Variants in ROCK1 observed in about 807,000 individuals in gnomAD.
ROCK1 encodes rho-associated protein kinase 1.
A neutral mutation model predicts 196.8 loss-of-function variants in ROCK1; 36 were observed. The observed-to-expected ratio is 0.18, with a 90% confidence interval of 0.14 to 0.24. The LOEUF is 0.24. ROCK1 is among the 10% of genes least tolerant of loss of function. The pLI, the probability that ROCK1 is intolerant of heterozygous loss-of-function variation, is 1.00. For synonymous variants in ROCK1, 443 were observed against 515.9 expected (o/e 0.86, Z 1.91); for missense variants, 920 against 1,562.0 (o/e 0.59, Z 6.93).
In ROCK1 at chr18:21,023,672, G is replaced by A. The variant is rs779976287; in HGVS notation, c.1220C>T (p.Ser407Phe). 2 of 1,567,696 alleles carry A rather than the reference G, an allele frequency of 1.3e-6. No individual in the cohort carries two copies. Among genetic ancestry groups the A allele is most frequent in the Admixed American group, 3.7e-5 (2 of 54,592 alleles). ...FTYYSNRRYL[S>F]SANPNDNRTS... ...TCTGTTATCATTAGGATTTGCTGAA[G>A]ATAAGTATCTGAGGGAAAGAAAAGT... is the stretch of plus-strand genomic sequence containing the variant. Residue 407 changes from serine to phenylalanine, a missense_variant, in exon 11 of 33, where the codon TCT becomes TTT. This residue lies in a region of ROCK1 where 520 missense variants were observed against 657.1 expected (regional missense o/e 0.79). Transcript: ENST00000399799.
intron 9 of ROCK1, among the ~76,000 whole-genome samples, chr18:21,037,755 G>T (rs1379002330): frequency 6.6e-6 from 1 of 152,030 alleles, no homozygotes; most frequent in East Asian, 1.9e-4. Flanking sequence ...CACTGATCTG[G>T]ACTCCCTAAT....
At chr18:21,093,268 G>A (rs1222132150) in intron 1 of ROCK1, among the ~76,000 whole-genome samples, 1 of 152,168 alleles carries the variant, frequency 6.6e-6, no homozygotes, top group African/African-American at 2.4e-5. Context: ...CAAAGAAGCC[G>A]ATCTGGAAAA....
chr18:21,101,406 C>A (rs1291020283), intron 1 of ROCK1, among the ~76,000 whole-genome samples: 1 of 152,116 alleles, frequency 6.6e-6, no homozygotes, highest in Non-Finnish European at 1.5e-5. Flanking sequence ...CATTATGCAC[C>A]TCCGTGTGAG....
chr18:20,971,081 A>T (rs1246957298), intron 22 of ROCK1, among the ~76,000 whole-genome samples: 1 of 152,174 alleles, frequency 6.6e-6, no homozygotes, highest in Non-Finnish European at 1.5e-5. Flanking sequence ...AATGATACTA[A>T]AACATTTCAG....
intron 1 of ROCK1, among the ~76,000 whole-genome samples, chr18:21,076,205 T>C (rs1279198110): frequency 2.6e-5 from 4 of 152,088 alleles, no homozygotes; most frequent in African/African-American, 4.8e-5. Flanking sequence ...CACAGAACTA[T>C]ACATTTAGAA....
intron 29 of ROCK1, among the ~76,000 whole-genome samples, chr18:20,958,849 TAATA>T (rs1383130571): frequency 3.7e-4 from 50 of 134,866 alleles, no homozygotes; most frequent in Non-Finnish European, 5.1e-4. Context: ...TTTCTATTAT[TAATA>T]GTTATAAAAT....
chr18:20,981,082 TGA>T (rs1267143155), intron 21 of ROCK1, among the ~76,000 whole-genome samples: 1 of 151,758 alleles, frequency 6.6e-6, no homozygotes, highest in Non-Finnish European at 1.5e-5. Context: ...ACTGGGTAGT[TGA>T]GAGACAGGTA....
intron 2 of ROCK1, among the ~76,000 whole-genome samples, chr18:21,058,393 G>GC (rs2036261858): frequency 6.6e-6 from 1 of 151,912 alleles, no homozygotes; most frequent in African/African-American, 2.4e-5. Context: ...AATGTTCAAA[G>GC]TTTTTTTAAA....
At chr18:21,055,910 G>A (rs1457076393) in intron 2 of ROCK1, among the ~76,000 whole-genome samples, 1 of 152,168 alleles carries the variant, frequency 6.6e-6, no homozygotes, top group African/African-American at 2.4e-5. Flanking sequence ...TGAGCATCAT[G>A]TTGCTAAATC....
At chr18:20,989,209 C>A (rs1218190992) in intron 18 of ROCK1, among the ~76,000 whole-genome samples, 2 of 152,144 alleles carry the variant, frequency 1.3e-5, no homozygotes, top group African/African-American at 2.4e-5. Context: ...TGTTCAGTAG[C>A]CAAGATAATA....
At chr18:21,038,195 T>C (rs536519591) in intron 9 of ROCK1, among the ~76,000 whole-genome samples, 31 of 152,254 alleles carry the variant, frequency 2.0e-4, no homozygotes, top group African/African-American at 5.1e-4. Flanking sequence ...TCCCTGATCA[T>C]CTCTTTGTCA....
chr18:21,085,894 AG>A (rs1281722612), intron 1 of ROCK1, among the ~76,000 whole-genome samples: 1 of 152,076 alleles, frequency 6.6e-6, no homozygotes, highest in African/African-American at 2.4e-5. Context: ...AATTTCAAGG[AG>A]GATTTCCTCC....
chr18:21,039,367 T>C, intron 9 of ROCK1, 105 bp downstream of exon 9: 1 of 770,800 alleles, frequency 1.3e-6, no homozygotes, highest in Non-Finnish European at 2.1e-6. Flanking sequence ...TTGTGGCTTC[T>C]GATTTTCATC....
chr18:20,992,423 T>G (rs1249814141), intron 17 of ROCK1, among the ~76,000 whole-genome samples: 3 of 152,236 alleles, frequency 2.0e-5, no homozygotes, highest in Non-Finnish European at 4.4e-5. Flanking sequence ...TTATGCTCTT[T>G]TCTATTTTGC....
chr18:21,074,231 A>C (rs1377323694), intron 1 of ROCK1, among the ~76,000 whole-genome samples: 4 of 152,234 alleles, frequency 2.6e-5, no homozygotes, highest in Non-Finnish European at 5.9e-5. Context: ...CACAGCTATG[A>C]AAATGAAAAC....
chr18:20,970,630 T>G, intron 22 of ROCK1, 117 bp from the exon 23 acceptor site: 1 of 688,998 alleles, frequency 1.5e-6, no homozygotes, highest in South Asian at 2.6e-5. Flanking sequence ...TTTTATTGCT[T>G]AAAATAAATT....
At chr18:21,059,838 T>C (rs1300136413) in intron 2 of ROCK1, among the ~76,000 whole-genome samples, 1 of 152,194 alleles carries the variant, frequency 6.6e-6, no homozygotes, top group Non-Finnish European at 1.5e-5. Flanking sequence ...ATCCATACAA[T>C]GGAATATTAC....
intron 2 of ROCK1, among the ~76,000 whole-genome samples, chr18:21,065,908 C>T (rs540062998): frequency 2.8e-4 from 43 of 152,168 alleles, no homozygotes; most frequent in African/African-American, 9.9e-4. Context: ...TAACAGGTTG[C>T]AATATAATTA....
At chr18:21,015,532 A>G in intron 12 of ROCK1, 53 bp from the exon 13 acceptor site, 13 of 1,088,788 alleles carry the variant, frequency 1.2e-5, no homozygotes, top group Non-Finnish European at 1.8e-5. Context: ...CTTATTGCCC[A>G]GTGTTAAACA....
Sources: gnomAD v4.1 joint callset for allele counts (sites outside exome capture counted in the v4.1 genomes callset) on GRCh38, gnomAD v4.1.1 for gene constraint, gnomAD v4.1.1 regional missense constraint, MANE v1.5 for transcripts, NCBI Gene and HGNC (gene_info 2026-07-23, HGNC 2026-07-21) for gene names.